Variants in ATP12A observed in about 807,000 individuals in gnomAD.
ATP12A encodes the protein potassium-transporting ATPase alpha chain 2.
A neutral mutation model predicts 111.2 loss-of-function variants in ATP12A; 81 were observed. The observed-to-expected ratio is 0.73, with a 90% CI of 0.61 to 0.88. ATP12A has a LOEUF of 0.88. Ranked by LOEUF, ATP12A falls within the 40% of genes least tolerant of loss-of-function variation. The pLI, the probability that ATP12A is intolerant of heterozygous loss-of-function variation, is 0.00. For missense variants in ATP12A, 1,196 were observed against 1,313.1 expected (o/e 0.91, Z 1.38); for synonymous variants, 498 against 499.8 (o/e 1.00, Z 0.05).
chr13:24,708,951 AAG>A (rs1485226150), intron 17 of ATP12A, among the ~76,000 whole-genome samples: 2 of 140,486 alleles, frequency 1.4e-5, no homozygotes, highest in East Asian at 4.1e-4. Context: ...GAAAGAAAGA[AAG>A]AAAGAAAGAA....
intron 15 of ATP12A, among the ~76,000 whole-genome samples, chr13:24,706,678 C>T (rs1875661667): frequency 6.6e-6 from 1 of 152,200 alleles, no homozygotes; most frequent in South Asian, 2.1e-4. Context: ...AGGCTCACCC[C>T]AGCTCTCTGC....
rs759242552 is a variant in ATP12A at position 24,709,345 on chromosome 13, C to T, written c.2494-19C>T. On this transcript the variant is annotated intron_variant, in intron 17 of 22. Transcript: ENST00000381946. ...CAGAACATCCTGGGGTTAGACCTCA[C>T]CAGCCTCTTCCCCTCTAGATCCCCT... 1.3e-6 allele frequency: 2 copies of T among 1,522,494 alleles called. No individual in the cohort carries two copies. Among genetic ancestry groups the T allele is most frequent in the Admixed American group, 3.5e-5 (2 of 56,858 alleles). 94.3% of individuals were successfully genotyped at this position (1,522,494 alleles called of 1,614,324 possible).
rs1875916995 is a variant in ATP12A at position 24,710,522 on chromosome 13, A to G, written c.2826A>G (p.Leu942=). 1 of 1,614,114 alleles carries G rather than the reference A, an allele frequency of 6.2e-7. No individual in the cohort carries two copies. The highest frequency in any genetic ancestry group is 8.5e-7 in the Non-Finnish European group (1 of 1,180,046). The change falls in exon 20 of 23, where the codon CTA becomes CTG. Residue 942 remains leucine, a synonymous_variant. Transcript: ENST00000381946. ...ACACGGCTTTCTTTGTTGGCATCCT[A>G]GTCCAGCAAATAGCAGATCTGATCA... ...TGYTAFFVGI[L]VQQIADLIIR...
chr13:24,695,638 A>C (rs1875122063), intron 11 of ATP12A, among the ~76,000 whole-genome samples: 1 of 106,132 alleles, frequency 9.4e-6, no homozygotes. Flanking sequence ...AAGGAGTTTC[A>C]CTCTTGTCAC....
chr13:24,691,184 C>G lies in ATP12A; in HGVS notation c.1002C>G (p.Asp334Glu). 6.2e-7 allele frequency: 1 copy of G among 1,614,160 alleles called. No individual in the cohort carries two copies. The highest frequency in any genetic ancestry group is 8.5e-7 in the Non-Finnish European group (1 of 1,180,032). Residue 334 changes from aspartate to glutamate, a missense_variant, in exon 8 of 23, where the codon GAC (aspartate) becomes GAG (glutamate). Asp to Glu is a conservative substitution (Grantham distance 45, BLOSUM62 2). This residue lies in a region of ATP12A where 1,126 missense variants were observed against 1,228.5 expected (regional missense o/e 0.92). Coordinates refer to ENST00000381946, the MANE Select transcript of ATP12A (RefSeq NM_001676.7). ...IAVSLKYQVL[D>E]SIIFLIGIIV... The stretch of plus-strand genomic sequence containing the variant: ...TGTCCCTGAAGTATCAAGTCCTGGA[C>G]TCCATCATCTTCCTCATTGGCATCA...
chr13:24,711,670 G>A lies in ATP12A; in HGVS notation c.*148G>A. ...TCATGCAGAAAGCTGTATGCAGGATGCTCACTGATGTTTTGCACTTTAAAA... is the reference window on the plus strand; with the variant it reads ...TCATGCAGAAAGCTGTATGCAGGATACTCACTGATGTTTTGCACTTTAAAA... On this transcript the variant is annotated 3_prime_UTR_variant, in exon 23 of 23. Transcript: ENST00000381946. The A allele has an allele frequency of 9.4e-7, 1 of 1,063,018 alleles. No homozygotes were observed. 65.8% of individuals were successfully genotyped at this position (1,063,018 alleles called of 1,614,324 possible). A position where few individuals can be genotyped will look rare whatever the true frequency, so the allele number is the denominator to read the frequency against.
chr13:24,698,257 C>G (rs1875250572), intron 11 of ATP12A, among the ~76,000 whole-genome samples: 1 of 152,052 alleles, frequency 6.6e-6, no homozygotes, highest in South Asian at 2.1e-4. Flanking sequence ...TCGCCTCCTC[C>G]CCTCCTGAGC....
intron 14 of ATP12A, among the ~76,000 whole-genome samples, chr13:24,702,354 A>T (rs1213955308): frequency 1.3e-5 from 2 of 152,262 alleles, no homozygotes; most frequent in Non-Finnish European, 2.9e-5. Flanking sequence ...TGCCCAATTT[A>T]GAATAAGAAA....
Position 24,702,063 on chromosome 13 carries a change from TAAC to T in ATP12A, c.2013_2015del (p.Asn671del). The T allele has an allele frequency of 6.2e-7, 1 of 1,614,198 alleles. No homozygotes were observed. The highest frequency in any genetic ancestry group is 1.3e-5 in the African/African-American group (1 of 75,038). Reference sequence around the variant, plus strand: ...GCCTCAACATTGCTGTGGAGCAAGTTAACAAACGGTAAGCACAGGAGCAGCATA... The same window carrying T: ...GCCTCAACATTGCTGTGGAGCAAGTTAAACGGTAAGCACAGGAGCAGCATA... On this transcript the variant is annotated inframe_deletion, in exon 14 of 23. Transcript: ENST00000381946.
Position 24,685,349 on chromosome 13 carries a change from G to A in ATP12A, c.204G>A (p.Glu68=). Residue 68 remains glutamate (E), a synonymous_variant, in exon 3 of 23, where the codon GAG becomes GAA. Transcript: ENST00000381946. This position sits in a 1 kb window ranked among gnomAD's most constrained non-coding sequence, Gnocchi z 5.5. Reference sequence around the variant, plus strand: ...AACTCAGCAATAGGGAATTGGAAGAGAAATATGGCACAGACATCATTATGG... The same window carrying A: ...AACTCAGCAATAGGGAATTGGAAGAAAAATATGGCACAGACATCATTATGG... The part of the protein sequence containing the change: ...DHKLSNRELE[E]KYGTDIIMGL... 1 of 1,614,192 alleles carries A rather than the reference G, an allele frequency of 6.2e-7. No individual in the cohort carries two copies. The highest frequency in any genetic ancestry group is 8.5e-7 in the Non-Finnish European group (1 of 1,180,010).
intron 3 of ATP12A, among the ~76,000 whole-genome samples, chr13:24,686,797 CAG>C (rs903261112): frequency 9.6e-5 from 14 of 146,450 alleles, no homozygotes; most frequent in African/African-American, 3.3e-4. Context: ...AAAGAAATTG[CAG>C]AGAGACACAA....
chr13:24,699,312 T>C (rs3783063), intron 12 of ATP12A, among the ~76,000 whole-genome samples: 5,293 of 152,130 alleles, frequency 0.035, 163 homozygotes, highest in African/African-American at 0.083. Context: ...CTGCAGTCAG[T>C]AGAGAGCACT....
rs2137720530 is a variant in ATP12A at position 24,707,273 on chromosome 13, G to C, written c.2339-6G>C. On this transcript the variant is annotated splice_polypyrimidine_tract_variant and splice_region_variant and intron_variant, in intron 16 of 22. Transcript: ENST00000381946. ...TAAGTTCTGAAGGAGAAACCTCTCT[G>C]CCTAGGTCGCCTGATCTTTGACAAC... 1 of 1,614,176 alleles carries C rather than the reference G, an allele frequency of 6.2e-7. No homozygotes were observed. Among genetic ancestry groups the C allele is most frequent in the East Asian group, 2.2e-5 (1 of 44,880 alleles).
In ATP12A at chr13:24,691,092, G is replaced by C; in HGVS notation, c.910G>C (p.Glu304Gln). Residue 304 changes from glutamate (E) to glutamine (Q), a missense_variant, in exon 8 of 23, where the codon GAG becomes CAG. By Grantham distance (29) the Glu-to-Gln change is conservative. Around this residue, in one of 3 missense-constraint regions of ATP12A, gnomAD observed 1,126 missense variants for 1,228.5 expected, o/e 0.92. Coordinates refer to ENST00000381946, the MANE Select transcript of ATP12A (RefSeq NM_001676.7). Reference sequence around the variant, plus strand: ...GAAGACGCCCATTGCCATTGAGATCGAGCACTTTGTTCACATTGTGGCAGG... The same window carrying C: ...GAAGACGCCCATTGCCATTGAGATCCAGCACTTTGTTCACATTGTGGCAGG... ...NEKTPIAIEI[E>Q]HFVHIVAGVA... The C allele has an allele frequency of 6.2e-7, 1 of 1,614,224 alleles. No individual in the cohort carries two copies. The highest frequency in any genetic ancestry group is 8.5e-7 in the Non-Finnish European group (1 of 1,180,048).
At chr13:24,709,979 C>T in intron 19 of ATP12A, 151 bp downstream of exon 19, 3 of 1,205,152 alleles carry the variant, frequency 2.5e-6, no homozygotes, top group South Asian at 1.5e-5. Context: ...ACGTGTTTGG[C>T]CTTTGCCAGG....
intron 2 of ATP12A, among the ~76,000 whole-genome samples, 153 bp downstream of exon 2, chr13:24,681,873 C>G (rs1034913909): frequency 5.0e-5 from 7 of 140,828 alleles, no homozygotes; most frequent in African/African-American, 8.0e-5. Context: ...CGTGGTGTGT[C>G]TGTGTGGTGT....
chr13:24,700,784 A>G lies in ATP12A; in HGVS notation c.1743A>G (p.Pro581=). The change falls in exon 13 of 23, where the codon CCA becomes CCG. Residue 581 remains proline (P), a synonymous_variant. Transcript: ENST00000381946. Reference sequence around the variant, plus strand: ...TCTACCTGCCAGCAGACGAGTTTCCAGAAACCTACTCATTTGACATAGACG... The same window carrying G: ...TCTACCTGCCAGCAGACGAGTTTCCGGAAACCTACTCATTTGACATAGACG... ...CHLYLPADEF[P]ETYSFDIDAM... is the part of the protein sequence containing the mutation. 1.2e-6 allele frequency: 2 copies of G among 1,614,066 alleles called. No individual in the cohort carries two copies. Among genetic ancestry groups the G allele is most frequent in the Non-Finnish European group, 1.7e-6 (2 of 1,179,974 alleles).
rs1384554320 is a variant in ATP12A at position 24,681,419 on chromosome 13, A to G, written c.10-143A>G. Reference sequence around the variant, plus strand: ...GGTGGGGGAGAGACTCCACTGTCCGACTCCCTCCGGCCTCCCCAGAGGAGG... The same window carrying G: ...GGTGGGGGAGAGACTCCACTGTCCGGCTCCCTCCGGCCTCCCCAGAGGAGG... On this transcript the variant is annotated intron_variant, in intron 1 of 22. Transcript: ENST00000381946. The G allele has an allele frequency of 3.0e-6, 3 of 997,658 alleles. No homozygotes were observed. In the African/African-American group the frequency reaches 5.0e-5, roughly 16 times the overall value. The allele number at this position is 997,658 out of a possible 1,614,324, so 61.8% of individuals were successfully genotyped here.
rs367998322 is a variant in ATP12A, at chr13:24,692,530, G to A, written c.1170G>A (p.Ser390=). Reference sequence around the variant, plus strand: ...TCGGCTCCACCTCCATCATCTGCTCGGACAAGACTGGGACACTGACCCAGA... The same window carrying A: ...TCGGCTCCACCTCCATCATCTGCTCAGACAAGACTGGGACACTGACCCAGA... The part of the protein sequence containing the change: ...ETLGSTSIIC[S]DKTGTLTQNR... The change falls in exon 9 of 23, where the codon TCG becomes TCA. Residue 390 remains serine (S), a synonymous_variant. Transcript: ENST00000381946. 6.0e-5 allele frequency: 96 copies of A among 1,611,576 alleles called. 1 individual carries two copies. The highest frequency in any genetic ancestry group is 2.3e-4 in the African/African-American group (17 of 72,804).
Sources: allele counts gnomAD v4.1 joint callset (sites outside exome capture counted in the v4.1 genomes callset), GRCh38; gene constraint gnomAD v4.1.1; regional missense constraint gnomAD v4.1.1; non-coding constraint Gnocchi (gnomAD v3.1); transcripts MANE v1.5; gene names NCBI Gene and HGNC (gene_info 2026-07-23, HGNC 2026-07-21).